DSCAM: variants seen among roughly 807,000 people sequenced by gnomAD.
The protein encoded by DSCAM is cell adhesion molecule DSCAM.
DSCAM carries 47 observed loss-of-function variants against 217.7 expected under a neutral mutation model. The ratio of observed to expected loss-of-function variants is 0.22; its 90% CI spans 0.17 to 0.28. The LOEUF (loss-of-function observed/expected upper bound fraction) is 0.28, where lower values mean the gene tolerates loss of function less well. Ranked by LOEUF, DSCAM falls within the 10% of genes least tolerant of loss-of-function variation. The pLI, the probability that DSCAM is intolerant of heterozygous loss-of-function variation, is 1.00. For synonymous variants in DSCAM, 1,056 were observed against 1,015.3 expected (o/e 1.04, Z -0.76); for missense variants, 2,080 against 2,618.3 (o/e 0.79, Z 4.49).
At chr21:40,137,310 T>C (rs549947148) in intron 18 of DSCAM, among the ~76,000 whole-genome samples, 136 of 149,590 alleles carry the variant, frequency 9.1e-4, no homozygotes, top group African/African-American at 3.2e-3. Flanking sequence ...TCATGAACCA[T>C]GAAGACAAAG....
intron 3 of DSCAM, among the ~76,000 whole-genome samples, chr21:40,601,319 T>A (rs1324623708): frequency 6.6e-6 from 1 of 152,228 alleles, no homozygotes; most frequent in African/African-American, 2.4e-5. Flanking sequence ...CAATTGTTTA[T>A]TGCTGGTACA....
At chr21:40,442,361 A>T (rs895652203) in intron 3 of DSCAM, among the ~76,000 whole-genome samples, 3 of 151,392 alleles carry the variant, frequency 2.0e-5, no homozygotes, top group Admixed American at 6.6e-5. Flanking sequence ...TTATTTTTTA[A>T]AATTTACTAG....
chr21:40,395,562 G>A (rs891242651), intron 3 of DSCAM, among the ~76,000 whole-genome samples: 9 of 150,576 alleles, frequency 6.0e-5, no homozygotes, highest in Non-Finnish European at 8.9e-5. Context: ...AGTTGCCTTC[G>A]CAAGGAATGT....
intron 3 of DSCAM, among the ~76,000 whole-genome samples, chr21:40,596,099 G>C (rs2077019656): frequency 1.3e-5 from 2 of 152,176 alleles, no homozygotes; most frequent in African/African-American, 4.8e-5. Context: ...CCATGCTCTG[G>C]GGGTAAGCCT....
intron 3 of DSCAM, among the ~76,000 whole-genome samples, chr21:40,375,618 C>T (rs569666985): frequency 6.6e-6 from 1 of 152,320 alleles, no homozygotes; most frequent in South Asian, 2.1e-4. Flanking sequence ...TTATCTTGTA[C>T]ATGTGCATGA....
At chr21:40,390,710 T>C (rs73357189) in intron 3 of DSCAM, among the ~76,000 whole-genome samples, 349 of 152,186 alleles carry the variant, frequency 2.3e-3, no homozygotes, top group African/African-American at 7.9e-3. Flanking sequence ...TCCACCTCTA[T>C]CTTCACATGG....
chr21:40,720,237 T>C (rs2090887257), intron 1 of DSCAM, among the ~76,000 whole-genome samples: 1 of 152,212 alleles, frequency 6.6e-6, no homozygotes, highest in Admixed American at 6.5e-5. Context: ...ACTGCTTGTG[T>C]AAAGGTCTTC....
chr21:40,197,640 C>A (rs750996263), intron 11 of DSCAM, among the ~76,000 whole-genome samples: 5 of 152,192 alleles, frequency 3.3e-5, no homozygotes, highest in Non-Finnish European at 7.3e-5. Context: ...CCTTCTCTTT[C>A]CTCCTTCCTT....
rs1568929146 is a variant in DSCAM at position 40,078,820 on chromosome 21, C to A, written c.4578G>T (p.Arg1526Ser). ...FGTTVWTTAQ[R>S]TSLSKSYILY... ...GGATGTAGGACTTGGAGAGAGAGGTCCTCTGAGCTGTGGTCCAAACTGTGG... is the reference window on the plus strand; with the variant it reads ...GGATGTAGGACTTGGAGAGAGAGGTACTCTGAGCTGTGGTCCAAACTGTGG... Residue 1526 changes from arginine (R) to serine (S), a missense_variant, in exon 26 of 33, where the codon AGG becomes AGT. Arg to Ser is a moderately radical substitution (Grantham distance 110). Coordinates refer to ENST00000400454, the MANE Select transcript of DSCAM (RefSeq NM_001389.5). The A allele has an allele frequency of 6.2e-7, 1 of 1,614,216 alleles. No individual in the cohort carries two copies. The highest frequency in any genetic ancestry group is 8.5e-7 in the Non-Finnish European group (1 of 1,180,044).
chr21:40,362,971 G>A (rs549747089), intron 4 of DSCAM, among the ~76,000 whole-genome samples: 51 of 152,024 alleles, frequency 3.4e-4, no homozygotes, highest in Non-Finnish European at 6.8e-4. Context: ...ATCCCCTTTG[G>A]CTGACGAGAG....
intron 6 of DSCAM, among the ~76,000 whole-genome samples, chr21:40,340,691 A>AC (rs540957622): frequency 1.3e-3 from 201 of 152,214 alleles, no homozygotes; most frequent in African/African-American, 4.4e-3. Flanking sequence ...GAATGAGTAG[A>AC]TTTTTTTTAG....
At position 40,087,228 on chromosome 21, in the gene DSCAM, C is replaced by T; in HGVS notation, c.3910G>A (p.Val1304Ile). Residue 1304 changes from valine to isoleucine, a missense_variant, in exon 22 of 33, where the codon GTC becomes ATC. By Grantham distance (29) the Val-to-Ile change is conservative. Transcript: ENST00000400454. ...TCCCCAACAGCCTTACAAGGCAAGA[C>T]AATGTCTTTCATCCATGGAGTAGTC... ...TVTTPWMKDIVLPCKAVGDPS... is the reference protein window; with the variant it reads ...TVTTPWMKDIILPCKAVGDPS... 6.2e-7 allele frequency: 1 copy of T among 1,614,176 alleles called. No homozygotes were observed. Among genetic ancestry groups the T allele is most frequent in the South Asian group, 1.1e-5 (1 of 91,084 alleles).
chr21:40,503,612 C>T (rs1275785318), intron 3 of DSCAM, among the ~76,000 whole-genome samples: 9 of 152,298 alleles, frequency 5.9e-5, no homozygotes, highest in African/African-American at 1.9e-4. Flanking sequence ...CAGTGGGTTA[C>T]CTTACCTCAG....
intron 3 of DSCAM, among the ~76,000 whole-genome samples, chr21:40,514,514 T>C (rs888944968): frequency 1.3e-5 from 2 of 152,202 alleles, no homozygotes; most frequent in African/African-American, 2.4e-5. Flanking sequence ...GTTTTCCTTT[T>C]TGACATTGCA....
At chr21:40,561,781 G>A (rs2076722382) in intron 3 of DSCAM, among the ~76,000 whole-genome samples, 1 of 100,284 alleles carries the variant, frequency 1.0e-5, no homozygotes, top group African/African-American at 3.3e-5. Flanking sequence ...CAGTTTTGGA[G>A]ATGCAGAGGC....
At chr21:40,014,870 C>A (rs2088129374) in intron 32 of DSCAM, among the ~76,000 whole-genome samples, 1 of 152,248 alleles carries the variant, frequency 6.6e-6, no homozygotes, top group Non-Finnish European at 1.5e-5. Context: ...TTGCCAAATT[C>A]TCTGGTTTCC....
At chr21:40,457,553 C>CAAAA (rs1240833335) in intron 3 of DSCAM, among the ~76,000 whole-genome samples, 8 of 151,486 alleles carry the variant, frequency 5.3e-5, no homozygotes, top group African/African-American at 9.7e-5. Context: ...AACAAACAAA[C>CAAAA]AAAAAAACCT....
intron 3 of DSCAM, among the ~76,000 whole-genome samples, chr21:40,660,036 T>C (rs1006981865): frequency 3.3e-5 from 5 of 152,210 alleles, no homozygotes; most frequent in African/African-American, 1.2e-4. Context: ...GTGCTAGTTA[T>C]ATGCTAAAGA....
chr21:40,087,431 C>T (rs73906402), intron 21 of DSCAM, 144 bp from the exon 22 acceptor site: 7,688 of 621,246 alleles, frequency 0.012, 426 homozygotes, highest in African/African-American at 0.12. Context: ...CTCTCTGGTA[C>T]CCGGGTTATG....
Sources: gnomAD v4.1 joint callset for allele counts (sites outside exome capture counted in the v4.1 genomes callset) on GRCh38, gnomAD v4.1.1 for gene constraint, MANE v1.5 for transcripts, NCBI Gene and HGNC (gene_info 2026-07-23, HGNC 2026-07-21) for gene names.